Variants in BMPR1B observed in about 807,000 individuals in gnomAD.
The protein encoded by BMPR1B is bone morphogenetic protein receptor type-1B.
In BMPR1B, 12 loss-of-function variants were observed where a neutral mutation model predicts 59.1. That is an observed-to-expected ratio of 0.20 (90% CI 0.13 to 0.33). BMPR1B has a LOEUF of 0.33. BMPR1B is among the 10% of genes least tolerant of loss of function. The pLI, the probability that BMPR1B is intolerant of heterozygous loss-of-function variation, is 1.00. For synonymous variants in BMPR1B, 237 were observed against 207.3 expected (o/e 1.14, Z -1.23); for missense variants, 550 against 610.9 (o/e 0.90, Z 1.05).
chr4:95,132,218 C>G (rs2149303012), intron 10 of BMPR1B, among the ~76,000 whole-genome samples: 1 of 152,246 alleles, frequency 6.6e-6, no homozygotes, highest in East Asian at 1.9e-4. Context: ...AGCTTGCAAA[C>G]CACTGGTGTA....
chr4:94,825,817 TTTA>T (rs1724362128), intron 1 of BMPR1B, among the ~76,000 whole-genome samples: 1 of 152,190 alleles, frequency 6.6e-6, no homozygotes, highest in Non-Finnish European at 1.5e-5. Context: ...TGGAAATAGT[TTTA>T]TTAATATAAG....
At chr4:95,030,231 G>A (rs573572103) in intron 3 of BMPR1B, among the ~76,000 whole-genome samples, 175 of 152,172 alleles carry the variant, frequency 1.2e-3, no homozygotes, top group African/African-American at 3.9e-3. Flanking sequence ...GTTTTCTTCT[G>A]TGGTTTTTAT....
At chr4:95,033,812 T>G in intron 3 of BMPR1B, among the ~76,000 whole-genome samples, 1 of 152,144 alleles carries the variant, frequency 6.6e-6, no homozygotes, top group Non-Finnish European at 1.5e-5. Context: ...AAGAGGTAAT[T>G]GTTAAAAGCA....
intron 2 of BMPR1B, among the ~76,000 whole-genome samples, chr4:94,935,780 G>A (rs1729269902): frequency 6.6e-6 from 1 of 152,176 alleles, no homozygotes; most frequent in Non-Finnish European, 1.5e-5. Flanking sequence ...TCTCAGTATA[G>A]GCAGAATGCC....
intron 3 of BMPR1B, among the ~76,000 whole-genome samples, chr4:95,029,605 T>C (rs1490356979): frequency 1.3e-5 from 2 of 152,188 alleles, no homozygotes; most frequent in Non-Finnish European, 1.5e-5. Context: ...AGCAGCTTGA[T>C]TTATAATCCT....
intron 1 of BMPR1B, among the ~76,000 whole-genome samples, chr4:94,791,790 T>C (rs1209945946): frequency 1.3e-5 from 2 of 152,082 alleles, no homozygotes; most frequent in Non-Finnish European, 2.9e-5. Context: ...ATTTAACCTT[T>C]CCCTCTTTCT....
chr4:95,125,993 C>T (rs1054740525), intron 8 of BMPR1B, among the ~76,000 whole-genome samples: 7 of 152,122 alleles, frequency 4.6e-5, no homozygotes, highest in African/African-American at 9.7e-5. Context: ...CATATATCCA[C>T]GTCATTGCAA....
At chr4:94,769,999 C>G (rs916825148) in intron 1 of BMPR1B, among the ~76,000 whole-genome samples, 2 of 152,128 alleles carry the variant, frequency 1.3e-5, no homozygotes, top group Admixed American at 1.3e-4. Flanking sequence ...CCTTAGCACT[C>G]TGCTTTGTCC....
In BMPR1B at chr4:95,155,069, C is replaced by T. The variant is rs1735324650; in HGVS notation, c.*396C>T. ...TAAATAATAACAACAAAATTCTTCC[C>T]AGGAACTCTGCTGGAAGGTAAATTA... On this transcript the variant is annotated 3_prime_UTR_variant, in exon 13 of 13. Coordinates refer to ENST00000515059, the MANE Select transcript of BMPR1B (RefSeq NM_001203.3). The T allele has an allele frequency of 5.5e-6, 1 of 183,216 alleles. No homozygotes were observed. Among genetic ancestry groups the T allele is most frequent in the African/African-American group, 2.4e-5 (1 of 41,862 alleles). 11.3% of individuals were successfully genotyped at this position (183,216 alleles called of 1,614,324 possible).
chr4:95,005,796 G>A (rs1232376329), intron 3 of BMPR1B, among the ~76,000 whole-genome samples: 10 of 151,852 alleles, frequency 6.6e-5, no homozygotes, highest in Admixed American at 2.6e-4. Flanking sequence ...CTTTTTGTGT[G>A]TGTGCATTTT....
intron 4 of BMPR1B, among the ~76,000 whole-genome samples, chr4:95,109,884 C>T (rs372563652): frequency 9.8e-5 from 13 of 132,786 alleles, no homozygotes; most frequent in South Asian, 8.7e-4. Flanking sequence ...CAACAGTCCC[C>T]GGTGTGTGAT....
intron 4 of BMPR1B, among the ~76,000 whole-genome samples, chr4:95,106,808 A>C (rs753312454): frequency 6.6e-6 from 1 of 151,866 alleles, no homozygotes; most frequent in Non-Finnish European, 1.5e-5. Context: ...ATAATTAAAA[A>C]CACTTATTTT....
Position 94,974,233 on chromosome 4 carries a change from C to T in BMPR1B, c.-112-21807C>T, listed in dbSNP as rs575516549. ...TTAATATTTTTCTTTCCAATTTATA[C>T]GTGCTCTTTGTATTTTAAGGCCATT... On this transcript the variant is annotated intron_variant, in intron 2 of 12. Coordinates refer to ENST00000515059, the MANE Select transcript of BMPR1B (RefSeq NM_001203.3). Among the ~76,000 whole-genome samples the T allele has an allele frequency of 1.6e-3, 243 of 152,132 alleles. No homozygotes were observed. The Middle Eastern group carries it at 0.02, about 13-fold the overall frequency.
At chr4:95,098,012 ATATT>A (rs1012460640) in intron 3 of BMPR1B, among the ~76,000 whole-genome samples, 1 of 152,174 alleles carries the variant, frequency 6.6e-6, no homozygotes, top group Non-Finnish European at 1.5e-5. Context: ...TCATTAATAA[ATATT>A]TATATGAGTC....
At chr4:94,864,178 T>C (rs766225998) in intron 1 of BMPR1B, among the ~76,000 whole-genome samples, 49 of 152,286 alleles carry the variant, frequency 3.2e-4, no homozygotes, top group Middle Eastern at 3.4e-3. Context: ...AAAGAAACAG[T>C]GGTCTCTGGC....
At chr4:94,862,587 T>C (rs1048078625) in intron 1 of BMPR1B, among the ~76,000 whole-genome samples, 20 of 150,720 alleles carry the variant, frequency 1.3e-4, no homozygotes, top group African/African-American at 4.1e-4. Flanking sequence ...GTGGATCACC[T>C]GAGGTCAGGA....
chr4:95,069,250 T>C (rs1158253615), intron 3 of BMPR1B, among the ~76,000 whole-genome samples: 3 of 152,316 alleles, frequency 2.0e-5, no homozygotes, highest in African/African-American at 7.2e-5. Context: ...CCTGACTGGC[T>C]CTCTGCTTTG....
chr4:94,971,772 C>T (rs1730801382), intron 2 of BMPR1B, among the ~76,000 whole-genome samples: 1 of 151,670 alleles, frequency 6.6e-6, no homozygotes, highest in Non-Finnish European at 1.5e-5. Context: ...CGTTTATGAC[C>T]ATGAAATTGG....
intron 1 of BMPR1B, among the ~76,000 whole-genome samples, chr4:94,782,059 G>A (rs1347513049): frequency 6.6e-6 from 1 of 151,202 alleles, no homozygotes; most frequent in African/African-American, 2.4e-5. Context: ...GGAGTTTTCA[G>A]CTCTTCTTAA....
Sources: gnomAD v4.1 joint callset for allele counts (sites outside exome capture counted in the v4.1 genomes callset) on GRCh38, gnomAD v4.1.1 for gene constraint, MANE v1.5 for transcripts, NCBI Gene and HGNC (gene_info 2026-07-23, HGNC 2026-07-21) for gene names.